The following HS3ST5 variants were observed in gnomAD, a reference collection of about 807,000 sequenced individuals.
The protein encoded by HS3ST5 is heparan sulfate glucosamine 3-O-sulfotransferase 5.
A neutral mutation model predicts 25.4 loss-of-function variants in HS3ST5; 10 were observed. The observed-to-expected ratio is 0.39, with a 90% CI of 0.24 to 0.67. HS3ST5 has a LOEUF of 0.67. Among genes scored for constraint, HS3ST5 ranks in the 30% least tolerant of loss-of-function variants. The pLI is 0.44. For synonymous variants in HS3ST5, 170 were observed against 162.4 expected (o/e 1.05, Z -0.36); for missense variants, 324 against 420.7 (o/e 0.77, Z 2.01).
chr6:114,169,601 A>T (rs1779377870), intron 2 of HS3ST5, among the ~76,000 whole-genome samples: 1 of 152,216 alleles, frequency 6.6e-6, no homozygotes, highest in African/African-American at 2.4e-5. Context: ...ACTTCTTGGC[A>T]TATCCATAAG....
At chr6:114,249,395 C>A (rs1352538259) in intron 1 of HS3ST5, among the ~76,000 whole-genome samples, 1 of 152,182 alleles carries the variant, frequency 6.6e-6, no homozygotes, top group Non-Finnish European at 1.5e-5. Flanking sequence ...GAATGGCAAA[C>A]AAGGCATGAG....
Position 114,183,227 on chromosome 6 carries a change from G to A in HS3ST5, c.-144-14765C>T, listed in dbSNP as rs188130940. On this transcript the variant is annotated intron_variant, in intron 2 of 4. Transcript: ENST00000312719. ...CATAATTCTCTCGAGTTGTGAAAGG[G>A]ACACAGTGGGAGCTAATTGAACCAC... 1.3e-4 allele frequency among the ~76,000 whole-genome samples: 20 copies of A among 152,198 alleles called. 1 individual carries two copies. The South Asian group carries it at 3.5e-3, about 27-fold the overall frequency.
chr6:114,331,043 T>A (rs764980714), intron 1 of HS3ST5, among the ~76,000 whole-genome samples: 8 of 152,246 alleles, frequency 5.3e-5, no homozygotes, highest in Non-Finnish European at 1.0e-4. Flanking sequence ...CGTGTAAGAC[T>A]TGTTCAGCTT....
At chr6:114,112,779 C>G (rs955478829) in intron 3 of HS3ST5, among the ~76,000 whole-genome samples, 1 of 152,156 alleles carries the variant, frequency 6.6e-6, no homozygotes, top group African/African-American at 2.4e-5. Flanking sequence ...TGCCTTTCCT[C>G]AATTAACTCT....
intron 2 of HS3ST5, among the ~76,000 whole-genome samples, chr6:114,211,223 A>C (rs1245791842): frequency 2.0e-5 from 3 of 152,214 alleles, no homozygotes; most frequent in Non-Finnish European, 2.9e-5. Flanking sequence ...AGAATCTTTC[A>C]TATATGTTTT....
At chr6:114,208,786 G>A (rs1478330945) in intron 2 of HS3ST5, among the ~76,000 whole-genome samples, 8 of 152,316 alleles carry the variant, frequency 5.3e-5, no homozygotes, top group Middle Eastern at 3.4e-3. Flanking sequence ...TTGAGAAGGC[G>A]ATGATAATGC....
rs201081614 is a variant in HS3ST5, at chr6:114,302,943, GTAGT to G, written c.-339+39248_-339+39251del. 7.3e-3 allele frequency among the ~76,000 whole-genome samples: 1,116 copies of G among 152,258 alleles called. 11 individuals carry two copies. The highest frequency in any genetic ancestry group is 0.02 in the African/African-American group (824 of 41,550). The stretch of plus-strand genomic sequence containing the variant: ...CTTCTTTTATATAACTTAAACTTGT[GTAGT>G]TATTCTTAATGAATTCTTGAGACTA... On this transcript the variant is annotated intron_variant, in intron 1 of 4. Coordinates refer to ENST00000312719, the MANE Select transcript of HS3ST5 (RefSeq NM_153612.4).
chr6:114,250,876 T>TA (rs1178460635), intron 1 of HS3ST5, among the ~76,000 whole-genome samples: 1 of 152,208 alleles, frequency 6.6e-6, no homozygotes, highest in East Asian at 1.9e-4. Context: ...TACTCATGAC[T>TA]AAAAAGTTGA....
intron 1 of HS3ST5, among the ~76,000 whole-genome samples, chr6:114,289,152 A>G (rs1774463759): frequency 6.6e-6 from 1 of 152,084 alleles, no homozygotes; most frequent in Non-Finnish European, 1.5e-5. Flanking sequence ...GAATATACAT[A>G]TTTTAAAATC....
At chr6:114,341,222 G>GGAGAGAGAGAGAGAGAGAGAGAGAGAGA (rs4034605) in intron 1 of HS3ST5, among the ~76,000 whole-genome samples, 2 of 46,600 alleles carry the variant, frequency 4.3e-5, no homozygotes, top group Non-Finnish European at 3.6e-5. Flanking sequence ...GGAGAGAGGG[G>GGAGAGAGAGAGAGAGAGAGAGAGAGAGA]GAGAGAGAGA....
chr6:114,286,045 C>T (rs1582788185), intron 1 of HS3ST5, among the ~76,000 whole-genome samples: 1 of 151,806 alleles, frequency 6.6e-6, no homozygotes, highest in East Asian at 1.9e-4. Flanking sequence ...TGTCTAATGC[C>T]ATAATCTCTA....
At chr6:114,158,214 T>G (rs963907746) in intron 3 of HS3ST5, among the ~76,000 whole-genome samples, 1 of 152,150 alleles carries the variant, frequency 6.6e-6, no homozygotes, top group African/African-American at 2.4e-5. Flanking sequence ...TCTTACATAG[T>G]GCATAGCATG....
intron 1 of HS3ST5, among the ~76,000 whole-genome samples, chr6:114,315,970 CAATT>C: frequency 6.6e-6 from 1 of 152,260 alleles, no homozygotes; most frequent in South Asian, 2.1e-4. Flanking sequence ...GGTTTCAGCT[CAATT>C]GTTTCTCTAG....
intron 1 of HS3ST5, among the ~76,000 whole-genome samples, chr6:114,232,389 C>T (rs1012304696): frequency 5.3e-5 from 8 of 152,070 alleles, no homozygotes; most frequent in African/African-American, 1.9e-4. Context: ...TGAGGTTTCT[C>T]TATGTTGCCC....
At chr6:114,335,634 T>A (rs1776578770) in intron 1 of HS3ST5, among the ~76,000 whole-genome samples, 1 of 151,496 alleles carries the variant, frequency 6.6e-6, no homozygotes, top group Admixed American at 6.6e-5. Flanking sequence ...GAATTAGCTG[T>A]CCCAAAAGCC....
chr6:114,148,869 C>G (rs1778302896), intron 3 of HS3ST5, among the ~76,000 whole-genome samples: 1 of 152,080 alleles, frequency 6.6e-6, no homozygotes, highest in African/African-American at 2.4e-5. Flanking sequence ...CCAGAATCTA[C>G]AAGGAACTTA....
intron 2 of HS3ST5, among the ~76,000 whole-genome samples, chr6:114,217,114 T>C (rs527324423): frequency 2.0e-4 from 30 of 152,306 alleles, no homozygotes; most frequent in African/African-American, 6.3e-4. Flanking sequence ...CGGATTTAGC[T>C]AGAAAGCCAA....
chr6:114,322,832 A>T (rs1477038423), intron 1 of HS3ST5, among the ~76,000 whole-genome samples: 1 of 152,144 alleles, frequency 6.6e-6, no homozygotes, highest in Non-Finnish European at 1.5e-5. Flanking sequence ...CTTCACAAAT[A>T]TTTGCATCTC....
intron 2 of HS3ST5, among the ~76,000 whole-genome samples, chr6:114,212,678 C>T (rs1781558038): frequency 6.6e-6 from 1 of 152,290 alleles, no homozygotes; most frequent in Middle Eastern, 3.4e-3. Context: ...ACATTTAAAG[C>T]AGTTAACTCT....
Sources: allele counts gnomAD v4.1 joint callset (sites outside exome capture counted in the v4.1 genomes callset), GRCh38; gene constraint gnomAD v4.1.1; transcripts MANE v1.5; gene names NCBI Gene and HGNC (gene_info 2026-07-23, HGNC 2026-07-21).